Variants in BCAS3 observed in about 807,000 individuals in gnomAD.
BCAS3 encodes the protein BCAS3 microtubule associated cell migration factor.
BCAS3 carries 53 observed loss-of-function variants against 116.1 expected under a neutral mutation model. The observed-to-expected ratio is 0.46, with a 90% CI of 0.37 to 0.57. The LOEUF is 0.57. Among genes scored for constraint, BCAS3 ranks in the 20% least tolerant of loss-of-function variants. The pLI is 0.00. For missense variants in BCAS3, 917 were observed against 1,165.4 expected, an observed-to-expected ratio of 0.79 and a Z score of 3.10; for synonymous variants, 391 against 408.2, an observed-to-expected ratio of 0.96 and a Z score of 0.51.
In BCAS3 at chr17:61,337,944, G is replaced by C. The variant is rs779577876; in HGVS notation, c.2426-30383G>C. 5.5e-4 allele frequency among the ~76,000 whole-genome samples: 83 copies of C among 152,200 alleles called. No homozygotes were observed. The highest frequency in any genetic ancestry group is 1.0e-3 in the Non-Finnish European group (70 of 68,038). On this transcript the variant is annotated intron_variant, in intron 22 of 23. Coordinates refer to ENST00000407086, the MANE Select transcript of BCAS3 (RefSeq NM_017679.5). This position sits in a 1 kb window ranked among gnomAD's most constrained non-coding sequence, Gnocchi z 4.8. Reference sequence around the variant, plus strand: ...AAAGCGCTTCATCCAGTACCCCACAGCTCTAGGGTATTGTTAGTCTGGGTT... The same window carrying C: ...AAAGCGCTTCATCCAGTACCCCACACCTCTAGGGTATTGTTAGTCTGGGTT...
rs58004084 is a variant in BCAS3, at chr17:60,967,949, T to TTTGTTGTTGTTGTTGTTGTTGTTG, written c.1221+20603_1221+20626dup. On this transcript the variant is annotated intron_variant, in intron 14 of 23. Coordinates refer to ENST00000407086, the MANE Select transcript of BCAS3 (RefSeq NM_017679.5). This position sits in a 1 kb window ranked among gnomAD's most constrained non-coding sequence, Gnocchi z 4.7. ...AATTTCTGAATTGCTTTTCTGTGTG[T>TTTGTTGTTGTTGTTGTTGTTGTTG]TTGTTGTTGTTGTTGTTGTTGTTGT... Among the ~76,000 whole-genome samples, 2 of 151,256 alleles carry TTTGTTGTTGTTGTTGTTGTTGTTG rather than the reference T, an allele frequency of 1.3e-5. No individual in the cohort carries two copies. The highest frequency in any genetic ancestry group is 4.9e-5 in the African/African-American group (2 of 40,918).
Position 61,041,230 on chromosome 17 carries a change from T to C in BCAS3, c.2029+338T>C, listed in dbSNP as rs1340672924. ...AAAGTTTCATAAAGCTTGGAATCTG[T>C]TTCTAACATGGAAAAAAAAAAACCC... is the stretch of plus-strand genomic sequence containing the variant. On this transcript the variant is annotated intron_variant, in intron 19 of 23. Coordinates refer to ENST00000407086, the MANE Select transcript of BCAS3 (RefSeq NM_017679.5). The surrounding 1 kb of genome is among the most constrained non-coding windows in gnomAD (Gnocchi z 4.7). Among the ~76,000 whole-genome samples the C allele has an allele frequency of 6.7e-6, 1 of 150,006 alleles. No homozygotes were observed. Among genetic ancestry groups the C allele is most frequent in the East Asian group, 1.9e-4 (1 of 5,176 alleles).
intron 22 of BCAS3, among the ~76,000 whole-genome samples, chr17:61,293,117 T>C (rs1355413405): frequency 6.6e-6 from 1 of 152,206 alleles, no homozygotes; most frequent in Non-Finnish European, 1.5e-5. Context: ...TTCTGTGGAC[T>C]CATGTTCTGT....
chr17:61,321,133 T>C (rs79590060), intron 22 of BCAS3, among the ~76,000 whole-genome samples: 1 of 152,232 alleles, frequency 6.6e-6, no homozygotes, highest in Non-Finnish European at 1.5e-5. Flanking sequence ...TCTTTTTTTT[T>C]CTAATGAGAT....
At chr17:61,246,924 T>C (rs1225439132) in intron 22 of BCAS3, among the ~76,000 whole-genome samples, 1 of 152,118 alleles carries the variant, frequency 6.6e-6, no homozygotes, top group African/African-American at 2.4e-5. Flanking sequence ...GTTTAATTTG[T>C]TTTTTCATAT....
chr17:60,764,285 G>A (rs2043858136), intron 6 of BCAS3, among the ~76,000 whole-genome samples: 1 of 151,934 alleles, frequency 6.6e-6, no homozygotes, highest in African/African-American at 2.4e-5. Flanking sequence ...TAATTGTGAT[G>A]TTAGGGTGTC....
Position 61,355,483 on chromosome 17 carries a change from A to C in BCAS3, c.2426-12844A>C, listed in dbSNP as rs1234846242. Among the ~76,000 whole-genome samples, 2 of 152,108 alleles carry C rather than the reference A, an allele frequency of 1.3e-5. No homozygotes were observed. Among genetic ancestry groups the C allele is most frequent in the African/African-American group, 4.8e-5 (2 of 41,418 alleles). On this transcript the variant is annotated intron_variant, in intron 22 of 23. Coordinates refer to ENST00000407086, the MANE Select transcript of BCAS3 (RefSeq NM_017679.5). This position sits in a 1 kb window ranked among gnomAD's most constrained non-coding sequence, Gnocchi z 4.2. ...GGCACTCCAGCCATATTTTCAAAAA[A>C]AAAAATTCAGCATGGTAGTTTTAGT...
intron 9 of BCAS3, chr17:60,886,521 C>T (rs1279906731): frequency 6.6e-6 from 1 of 152,156 alleles, no homozygotes; most frequent in African/African-American, 2.4e-5. Context: ...GAGAGACCCT[C>T]TGCGTTTTAG....
At position 61,051,121 on chromosome 17, in the gene BCAS3, T is replaced by C. The variant is rs2143193052; in HGVS notation, c.2029+10229T>C. 6.6e-6 allele frequency among the ~76,000 whole-genome samples: 1 copy of C among 152,198 alleles called. No homozygotes were observed. Among genetic ancestry groups the C allele is most frequent in the Non-Finnish European group, 1.5e-5 (1 of 67,966 alleles). Reference sequence around the variant, plus strand: ...CCCATATCTTTGACAACTACTCAGATTTTTTTACAAGTGGATTGAGCTATT... The same window carrying C: ...CCCATATCTTTGACAACTACTCAGACTTTTTTACAAGTGGATTGAGCTATT... On this transcript the variant is annotated intron_variant, in intron 19 of 23. Coordinates refer to ENST00000407086, the MANE Select transcript of BCAS3 (RefSeq NM_017679.5). This position sits in a 1 kb window ranked among gnomAD's most constrained non-coding sequence, Gnocchi z 4.1.
At chr17:61,022,233 A>AT (rs902350445) in intron 16 of BCAS3, among the ~76,000 whole-genome samples, 1 of 151,720 alleles carries the variant, frequency 6.6e-6, no homozygotes, top group African/African-American at 2.4e-5. Context: ...CCATATATAT[A>AT]TTTTTTGTTT....
At chr17:60,891,787 C>G (rs1432959238) in intron 10 of BCAS3, 1 of 454,768 alleles carries the variant, frequency 2.2e-6, no homozygotes, top group Non-Finnish European at 4.4e-6. Context: ...AGTGATTTTT[C>G]AACCCTCAGC....
rs571281822 is a variant in BCAS3, at chr17:60,725,032, T to A, written c.321+15707T>A. Among the ~76,000 whole-genome samples the A allele has an allele frequency of 3.9e-5, 6 of 152,238 alleles. 1 individual carries two copies. The highest frequency in any genetic ancestry group is 3.9e-4 in the Admixed American group (6 of 15,278). On this transcript the variant is annotated intron_variant, in intron 5 of 23. Transcript: ENST00000407086. ...ATGCCCAGCTACTTAAAAAAAGTTT[T>A]TTTTGTAGAGAGGGGCTCTCATTAT...
At chr17:61,080,195 G>A (rs536940140) in intron 21 of BCAS3, among the ~76,000 whole-genome samples, 46 of 152,086 alleles carry the variant, frequency 3.0e-4, no homozygotes, top group African/African-American at 1.1e-3. Flanking sequence ...GTGAGCCACT[G>A]CACCTGGCCT....
intron 4 of BCAS3, among the ~76,000 whole-genome samples, chr17:60,699,411 T>C (rs1200874362): frequency 6.6e-6 from 1 of 152,102 alleles, no homozygotes; most frequent in Non-Finnish European, 1.5e-5. Context: ...TTTTGTATTT[T>C]AGTTTCAGCA....
Position 61,228,375 on chromosome 17 carries a change from T to A in BCAS3, c.2426-139952T>A, listed in dbSNP as rs1391960935. Among the ~76,000 whole-genome samples, 1 of 152,238 alleles carries A rather than the reference T, an allele frequency of 6.6e-6. No homozygotes were observed. The highest frequency in any genetic ancestry group is 2.4e-5 in the African/African-American group (1 of 41,468). On this transcript the variant is annotated intron_variant, in intron 22 of 23. Coordinates refer to ENST00000407086, the MANE Select transcript of BCAS3 (RefSeq NM_017679.5). This position sits in a 1 kb window ranked among gnomAD's most constrained non-coding sequence, Gnocchi z 5.0. ...TTAAGGTGGGAAGGACACATGGGTATGGTGTATTTTAAAAGGATTTAAAAG... is the reference window on the plus strand; with the variant it reads ...TTAAGGTGGGAAGGACACATGGGTAAGGTGTATTTTAAAAGGATTTAAAAG...
At chr17:61,107,405 T>C (rs553369219) in intron 22 of BCAS3, among the ~76,000 whole-genome samples, 3 of 152,222 alleles carry the variant, frequency 2.0e-5, no homozygotes, top group South Asian at 2.1e-4. Context: ...CATTTTATCA[T>C]GTGCACAGAT....
chr17:61,286,667 A>G lies in BCAS3; in HGVS notation c.2426-81660A>G, dbSNP rs1356550834. On this transcript the variant is annotated intron_variant, in intron 22 of 23. Transcript: ENST00000407086. The surrounding 1 kb of genome is among the most constrained non-coding windows in gnomAD (Gnocchi z 4.8). ...AAATACTCGCTTTACACCGTTGTGAAGGCAGCTCCCAGGGCAGCCAGAGGA... is the reference window on the plus strand; with the variant it reads ...AAATACTCGCTTTACACCGTTGTGAGGGCAGCTCCCAGGGCAGCCAGAGGA... Among the ~76,000 whole-genome samples the G allele has an allele frequency of 6.6e-6, 1 of 152,174 alleles. No homozygotes were observed. Among genetic ancestry groups the G allele is most frequent in the East Asian group, 1.9e-4 (1 of 5,194 alleles).
At chr17:60,744,097 G>C (rs73334334) in intron 5 of BCAS3, among the ~76,000 whole-genome samples, 6,853 of 152,258 alleles carry the variant, frequency 0.045, 532 homozygotes, top group African/African-American at 0.16. Flanking sequence ...ATGAGGAGCT[G>C]TTGGAGAGGC....
At chr17:61,295,479 C>T (rs189649123) in intron 22 of BCAS3, among the ~76,000 whole-genome samples, 2 of 152,294 alleles carry the variant, frequency 1.3e-5, no homozygotes, top group Admixed American at 1.3e-4. Flanking sequence ...GAGTAGCTGT[C>T]TCTCTGTCTC....
Sources: allele counts gnomAD v4.1 joint callset (sites outside exome capture counted in the v4.1 genomes callset), GRCh38; gene constraint gnomAD v4.1.1; non-coding constraint Gnocchi (gnomAD v3.1); transcripts MANE v1.5; gene names NCBI Gene and HGNC (gene_info 2026-07-23, HGNC 2026-07-21).